The following CACNA2D2 variants were observed in gnomAD, a reference collection of about 807,000 sequenced individuals.
The protein encoded by CACNA2D2 is voltage-dependent calcium channel subunit alpha-2/delta-2.
In CACNA2D2, 48 loss-of-function variants were observed where a neutral mutation model predicts 166.4. The ratio of observed to expected loss-of-function variants is 0.29; its 90% CI spans 0.23 to 0.37. The LOEUF is 0.37. Among genes scored for constraint, CACNA2D2 ranks in the 10% least tolerant of loss-of-function variants. The pLI, the probability that CACNA2D2 is intolerant of heterozygous loss-of-function variation, is 1.00. For missense variants in CACNA2D2, 1,122 were observed against 1,433.0 expected (o/e 0.78, Z 3.50); for synonymous variants, 561 against 573.7 (o/e 0.98, Z 0.32).
At chr3:50,405,731 GC>G (rs542276027) in intron 3 of CACNA2D2, among the ~76,000 whole-genome samples, 2 of 152,124 alleles carry the variant, frequency 1.3e-5, no homozygotes, top group African/African-American at 4.8e-5. Context: ...GGGCCCACTG[GC>G]CCCCCCATAC....
At chr3:50,467,960 G>T (rs552694267) in intron 2 of CACNA2D2, among the ~76,000 whole-genome samples, 78 of 152,288 alleles carry the variant, frequency 5.1e-4, no homozygotes, top group Non-Finnish European at 8.4e-4. Flanking sequence ...GCCGCCCCTG[G>T]GGCCGGCTGT....
At chr3:50,450,023 C>A (rs1709026670) in intron 2 of CACNA2D2, among the ~76,000 whole-genome samples, 3 of 152,194 alleles carry the variant, frequency 2.0e-5, no homozygotes, top group Non-Finnish European at 4.4e-5. Context: ...AAGCAAACTG[C>A]AGCCTCCAGA....
rs1705210255 is a variant in CACNA2D2 at position 50,379,835 on chromosome 3, C to T, written c.894-11G>A. 1 of 1,613,652 alleles carries T rather than the reference C, an allele frequency of 6.2e-7. No homozygotes were observed. ...CTCACACTGCCACTCCTGGAGAGGT[C>T]AGGCAGGGGACGTGGAGGAGCCAGG... On this transcript the variant is annotated splice_polypyrimidine_tract_variant and intron_variant, in intron 9 of 37. Transcript: ENST00000424201. This position sits in a 1 kb window ranked among gnomAD's most constrained non-coding sequence, Gnocchi z 6.5.
chr3:50,430,486 AT>A (rs1708015485), intron 3 of CACNA2D2, among the ~76,000 whole-genome samples: 3 of 152,104 alleles, frequency 2.0e-5, no homozygotes, highest in Admixed American at 2.0e-4. Flanking sequence ...TCATGTCCTT[AT>A]TTCATAGGGG....
At chr3:50,446,845 G>A (rs1284548019) in intron 2 of CACNA2D2, among the ~76,000 whole-genome samples, 1 of 152,222 alleles carries the variant, frequency 6.6e-6, no homozygotes, top group African/African-American at 2.4e-5. Context: ...GGCCCAGAGG[G>A]TAGGTAGACT....
At chr3:50,451,133 G>GT (rs989856933) in intron 2 of CACNA2D2, among the ~76,000 whole-genome samples, 20 of 150,936 alleles carry the variant, frequency 1.3e-4, no homozygotes, top group Non-Finnish European at 2.1e-4. Flanking sequence ...ACCAGGGGCT[G>GT]TTTTTTTTTG....
chr3:50,372,782 C>A (rs927597504), intron 22 of CACNA2D2, among the ~76,000 whole-genome samples: 9 of 152,040 alleles, frequency 5.9e-5, no homozygotes, highest in Non-Finnish European at 1.3e-4. Context: ...GTGGGGGAGG[C>A]AGGGGCCTCC....
At chr3:50,400,927 G>A (rs1187209107) in intron 3 of CACNA2D2, among the ~76,000 whole-genome samples, 1 of 152,088 alleles carries the variant, frequency 6.6e-6, no homozygotes, top group Non-Finnish European at 1.5e-5. Flanking sequence ...CTCCTGCCTC[G>A]GCCTCCCAAA....
intron 1 of CACNA2D2, among the ~76,000 whole-genome samples, chr3:50,495,834 C>T (rs1271860983): frequency 2.0e-5 from 3 of 152,318 alleles, no homozygotes; most frequent in East Asian, 1.9e-4. Context: ...ATTTTCCACG[C>T]GGGGAAGGGC....
rs1340132768 is a variant in CACNA2D2 at position 50,365,743 on chromosome 3, C to T, written c.2916-55G>A. The T allele has an allele frequency of 2.5e-6, 4 of 1,607,386 alleles. No homozygotes were observed. Among genetic ancestry groups the T allele is most frequent in the Middle Eastern group, 1.6e-4 (1 of 6,078 alleles). Reference sequence around the variant, plus strand: ...GGTCAGCAGAGGACGATGCCATGCCCTACTTCTCTTCTGAGCCCTCCCGGC... The same window carrying T: ...GGTCAGCAGAGGACGATGCCATGCCTTACTTCTCTTCTGAGCCCTCCCGGC... On this transcript the variant is annotated intron_variant, in intron 33 of 37. Transcript: ENST00000424201. This position sits in a 1 kb window ranked among gnomAD's most constrained non-coding sequence, Gnocchi z 4.5.
intron 1 of CACNA2D2, among the ~76,000 whole-genome samples, chr3:50,498,806 C>CAATTCAGATT: frequency 6.6e-6 from 1 of 152,226 alleles, no homozygotes; most frequent in Non-Finnish European, 1.5e-5. Flanking sequence ...GCTTCAAGCC[C>CAATTCAGATT]CCCTCCACTT....
intron 3 of CACNA2D2, among the ~76,000 whole-genome samples, chr3:50,397,904 C>A (rs1706238712): frequency 6.6e-6 from 1 of 152,204 alleles, no homozygotes; most frequent in Admixed American, 6.5e-5. Context: ...CCTACCTGGC[C>A]CAGGCTGAGC....
At chr3:50,470,794 A>AG (rs1327490961) in intron 2 of CACNA2D2, among the ~76,000 whole-genome samples, 1 of 151,624 alleles carries the variant, frequency 6.6e-6, no homozygotes, top group African/African-American at 2.4e-5. Flanking sequence ...GGGGACACAG[A>AG]GGGGGTCTAG....
chr3:50,495,186 C>G (rs945471273), intron 1 of CACNA2D2, among the ~76,000 whole-genome samples: 1 of 152,204 alleles, frequency 6.6e-6, no homozygotes, highest in Non-Finnish European at 1.5e-5. Context: ...GTATCAGGAC[C>G]TCAGGGATTT....
chr3:50,467,007 G>C (rs1382284619), intron 2 of CACNA2D2, among the ~76,000 whole-genome samples: 1 of 152,212 alleles, frequency 6.6e-6, no homozygotes, highest in African/African-American at 2.4e-5. Flanking sequence ...GGCCTGTAAG[G>C]GGGTGGGGGG....
At chr3:50,469,709 C>T (rs1390573912) in intron 2 of CACNA2D2, among the ~76,000 whole-genome samples, 1 of 152,182 alleles carries the variant, frequency 6.6e-6, no homozygotes, top group Non-Finnish European at 1.5e-5. Flanking sequence ...GTCCCGGGTC[C>T]CACAGTGCCT....
At chr3:50,484,723 C>T (rs1339425005) in intron 1 of CACNA2D2, among the ~76,000 whole-genome samples, 1 of 152,252 alleles carries the variant, frequency 6.6e-6, no homozygotes, top group African/African-American at 2.4e-5. Context: ...GGCTAGTATT[C>T]CATCAGACAT....
chr3:50,436,853 T>G (rs2236973), intron 2 of CACNA2D2, among the ~76,000 whole-genome samples: 2 of 152,052 alleles, frequency 1.3e-5, no homozygotes, highest in Admixed American at 1.3e-4. Flanking sequence ...AGCCCCACCC[T>G]GTTCTCCCAG....
In CACNA2D2 at chr3:50,387,560, G is replaced by A. The variant is rs1262220342; in HGVS notation, c.510+8C>T. The stretch of plus-strand genomic sequence containing the variant: ...GCAAGGAGGTGTGGCTCAGGAGGGG[G>A]TGCTCACCAGCTCAGCGTCAGCCTT... On this transcript the variant is annotated splice_region_variant and intron_variant, in intron 5 of 37. Coordinates refer to ENST00000424201, the MANE Select transcript of CACNA2D2 (RefSeq NM_006030.4). 2 of 1,612,962 alleles carry A rather than the reference G, an allele frequency of 1.2e-6. No individual in the cohort carries two copies. Among genetic ancestry groups the A allele is most frequent in the Middle Eastern group, 1.7e-4 (1 of 6,060 alleles).
Sources: gnomAD v4.1 joint callset for allele counts (sites outside exome capture counted in the v4.1 genomes callset) on GRCh38, gnomAD v4.1.1 for gene constraint, Gnocchi (gnomAD v3.1) non-coding constraint, MANE v1.5 for transcripts, NCBI Gene and HGNC (gene_info 2026-07-23, HGNC 2026-07-21) for gene names.